TRDN: variants seen among roughly 807,000 people sequenced by gnomAD.
TRDN encodes triadin, also known as triadin in skeletal muscle.
TRDN carries 161 observed loss-of-function variants against 149.7 expected under a neutral mutation model. The ratio of observed to expected loss-of-function variants is 1.08; its 90% confidence interval spans 0.95 to 1.23. The LOEUF is 1.23. TRDN is among the 50% of genes most tolerant of loss of function. The pLI, the probability that TRDN is intolerant of heterozygous loss-of-function variation, is 0.00. For missense variants in TRDN, 896 were observed against 823.5 expected (o/e 1.09, Z -1.08); for synonymous variants, 294 against 250.5 (o/e 1.17, Z -1.64).
intron 1 of TRDN, among the ~76,000 whole-genome samples, chr6:123,610,929 C>T (rs1368655224): frequency 6.6e-6 from 1 of 152,114 alleles, no homozygotes; most frequent in East Asian, 1.9e-4. Context: ...AAGTAGAAGA[C>T]CCAATTAAGT....
chr6:123,449,532 A>C (rs1775634531), intron 10 of TRDN, among the ~76,000 whole-genome samples: 1 of 152,292 alleles, frequency 6.6e-6, no homozygotes, highest in South Asian at 2.1e-4. Flanking sequence ...ACAGTGAATA[A>C]GAAAATATGA....
intron 2 of TRDN, among the ~76,000 whole-genome samples, chr6:123,554,847 C>T (rs928264560): frequency 6.6e-6 from 1 of 152,162 alleles, no homozygotes; most frequent in East Asian, 1.9e-4. Flanking sequence ...AGAAATGTAG[C>T]TGAGAGAATA....
intron 9 of TRDN, among the ~76,000 whole-genome samples, chr6:123,488,071 G>A (rs907432951): frequency 3.0e-4 from 45 of 152,046 alleles, no homozygotes; most frequent in Non-Finnish European, 5.3e-4. Context: ...CTGAGCCTGG[G>A]ACTGCTGAGC....
At chr6:123,569,143 A>T (rs1232990492) in intron 2 of TRDN, among the ~76,000 whole-genome samples, 1 of 152,102 alleles carries the variant, frequency 6.6e-6, no homozygotes, top group African/African-American at 2.4e-5. Context: ...CTACATCATT[A>T]CTCTCAGGTC....
chr6:123,358,433 G>A (rs540033314), intron 20 of TRDN, among the ~76,000 whole-genome samples: 12 of 151,280 alleles, frequency 7.9e-5, no homozygotes, highest in Non-Finnish European at 1.3e-4. Context: ...ACCCATGGGG[G>A]CTCTGATGTA....
chr6:123,350,483 G>A (rs1343748795), intron 21 of TRDN: 6 of 555,044 alleles, frequency 1.1e-5, no homozygotes, highest in Non-Finnish European at 1.1e-5. Context: ...TAAACTAATA[G>A]ATTATTTATA....
intron 21 of TRDN, among the ~76,000 whole-genome samples, chr6:123,347,470 T>C (rs1268444816): frequency 6.6e-6 from 1 of 152,138 alleles, no homozygotes; most frequent in African/African-American, 2.4e-5. Context: ...AAGCATTTTA[T>C]GTCATTTAAT....
chr6:123,295,320 C>G (rs1435081634), intron 24 of TRDN, among the ~76,000 whole-genome samples: 1 of 152,164 alleles, frequency 6.6e-6, no homozygotes, highest in Non-Finnish European at 1.5e-5. Context: ...CTACTCTTTG[C>G]CTATGGACTA....
rs374126829 is a variant in TRDN, at chr6:123,400,167, G to GTATATATATATATATATATATATATA, written c.1052-6491_1052-6490insTATATATATATATATATATATATATA. On this transcript the variant is annotated intron_variant, in intron 12 of 40. Coordinates refer to ENST00000334268, the MANE Select transcript of TRDN (RefSeq NM_006073.4). ...TATTTGACATAAAGAATATGTATGTGTATATATATATATATATATATAAAC... is the reference window on the plus strand; with the variant it reads ...TATTTGACATAAAGAATATGTATGTGTATATATATATATATATATATATATATATATATATATATATATATATAAAC... Among the ~76,000 whole-genome samples, 123 of 123,324 alleles carry GTATATATATATATATATATATATATA rather than the reference G, an allele frequency of 1.0e-3. 1 individual carries two copies. The highest frequency in any genetic ancestry group is 1.8e-3 in the Admixed American group (20 of 11,334). 80.9% of individuals were successfully genotyped at this position (123,324 alleles called of 152,430 possible).
At chr6:123,546,129 TC>T (rs1781098841) in intron 4 of TRDN, among the ~76,000 whole-genome samples, 1 of 152,096 alleles carries the variant, frequency 6.6e-6, no homozygotes, top group Admixed American at 6.5e-5. Context: ...CAGCTATAAA[TC>T]TCTTGAAGTT....
At chr6:123,559,391 C>T (rs148708654) in intron 2 of TRDN, among the ~76,000 whole-genome samples, 5,872 of 152,138 alleles carry the variant, frequency 0.039, 144 homozygotes, top group Non-Finnish European at 0.049. Flanking sequence ...CCTATTAGGC[C>T]GAGACACTTT....
chr6:123,460,211 A>C (rs1776368698), intron 10 of TRDN, among the ~76,000 whole-genome samples: 1 of 152,226 alleles, frequency 6.6e-6, no homozygotes, highest in Non-Finnish European at 1.5e-5. Context: ...ATATGGTTCC[A>C]GTCCTGTATT....
chr6:123,298,520 T>C (rs140876714), intron 24 of TRDN, among the ~76,000 whole-genome samples: 1 of 152,196 alleles, frequency 6.6e-6, no homozygotes, highest in East Asian at 1.9e-4. Context: ...TGCAATGATC[T>C]GTAATCATTT....
In TRDN at chr6:123,521,165, A is replaced by G. The variant is rs114067948; in HGVS notation, c.485-4959T>C. ...GTTATTATTCTGAATCACCCTTTTTAAAAACAATCCTTTGTTTTTTGTGCA... is the reference window on the plus strand; with the variant it reads ...GTTATTATTCTGAATCACCCTTTTTGAAAACAATCCTTTGTTTTTTGTGCA... On this transcript the variant is annotated intron_variant, in intron 5 of 40. Coordinates refer to ENST00000334268, the MANE Select transcript of TRDN (RefSeq NM_006073.4). 3.6e-3 allele frequency among the ~76,000 whole-genome samples: 546 copies of G among 152,260 alleles called. 6 individuals are homozygous for G. Among genetic ancestry groups the G allele is most frequent in the African/African-American group, 0.012 (515 of 41,558 alleles).
At chr6:123,249,202 C>T (rs1207816996) in intron 38 of TRDN, among the ~76,000 whole-genome samples, 1 of 151,954 alleles carries the variant, frequency 6.6e-6, no homozygotes, top group Non-Finnish European at 1.5e-5. Context: ...CTGAGCATTA[C>T]TAATTATGAC....
chr6:123,516,257 G>A lies in TRDN; in HGVS notation c.485-51C>T. On this transcript the variant is annotated intron_variant, in intron 5 of 40. Coordinates refer to ENST00000334268, the MANE Select transcript of TRDN (RefSeq NM_006073.4). ...TCATTTAAATAACAGGAATAAATGA[G>A]GAGATGTTTGCACGGCAGTCTTTGA... The A allele has an allele frequency of 2.1e-6, 3 of 1,403,728 alleles. No individual in the cohort carries two copies. In the East Asian group the frequency reaches 8.5e-5, roughly 40 times the overall value. 87.0% of individuals were successfully genotyped at this position (1,403,728 alleles called of 1,614,324 possible). A position where few individuals can be genotyped will look rare whatever the true frequency, so the allele number is the denominator to read the frequency against.
chr6:123,608,791 C>A (rs1480409248), intron 1 of TRDN, among the ~76,000 whole-genome samples: 2 of 151,738 alleles, frequency 1.3e-5, no homozygotes, highest in African/African-American at 4.8e-5. Context: ...AATCATATGT[C>A]TTTGAATCAG....
chr6:123,225,997 T>G (rs1775346521), intron 38 of TRDN, among the ~76,000 whole-genome samples: 1 of 151,846 alleles, frequency 6.6e-6, no homozygotes, highest in African/African-American at 2.4e-5. Flanking sequence ...AGGGTCAGTA[T>G]GCAAATTTCG....
In TRDN at chr6:123,259,615, C is replaced by A; in HGVS notation, c.1870+9G>T. 3 of 1,470,438 alleles carry A rather than the reference C, an allele frequency of 2.0e-6. No homozygotes were observed. The South Asian group carries it at 3.8e-5, about 19-fold the overall frequency. 91.1% of individuals were successfully genotyped at this position (1,470,438 alleles called of 1,614,324 possible). On this transcript the variant is annotated intron_variant, in intron 35 of 40. Transcript: ENST00000334268. ...ATTTGATGTATATGTCTTAAAATGT[C>A]ATTTTTACCTTTACTTTCTTTTTCA... is the stretch of plus-strand genomic sequence containing the variant.
Sources: gnomAD v4.1 joint callset for allele counts (sites outside exome capture counted in the v4.1 genomes callset) on GRCh38, gnomAD v4.1.1 for gene constraint, MANE v1.5 for transcripts, NCBI Gene and HGNC (gene_info 2026-07-23, HGNC 2026-07-21) for gene names.